STXBP4: variants seen among roughly 807,000 people sequenced by gnomAD.
STXBP4 encodes the protein syntaxin-binding protein 4.
Under a neutral mutation model 76.1 loss-of-function variants are expected in STXBP4, and 55 were observed. That is an observed-to-expected ratio of 0.72 (90% CI 0.58 to 0.91). The LOEUF (loss-of-function observed/expected upper bound fraction) is 0.91, where lower values mean the gene tolerates loss of function less well. Ranked by LOEUF, STXBP4 falls within the 40% of genes least tolerant of loss-of-function variation. The probability of loss-of-function intolerance (pLI) is 0.00; values close to 1 mark genes in which losing one functional copy is unlikely to be tolerated. For synonymous variants in STXBP4, 201 were observed against 220.2 expected, an observed-to-expected ratio of 0.91 and a Z score of 0.77; for missense variants, 618 against 636.9, an observed-to-expected ratio of 0.97 and a Z score of 0.32.
intron 10 of STXBP4, among the ~76,000 whole-genome samples, chr17:55,036,212 GTCTTA>G (rs1322057222): frequency 6.6e-6 from 1 of 151,846 alleles, no homozygotes; most frequent in African/African-American, 2.4e-5. Context: ...CTAATCTTCA[GTCTTA>G]TCTTGTCCAT....
chr17:55,154,601 G>C (rs186852454), intron 17 of STXBP4, among the ~76,000 whole-genome samples: 1 of 152,204 alleles, frequency 6.6e-6, no homozygotes, highest in Admixed American at 6.5e-5. Flanking sequence ...GCTGTACTCT[G>C]TCACTACAGA....
At chr17:55,079,935 C>T (rs1265175220) in intron 15 of STXBP4, among the ~76,000 whole-genome samples, 1 of 152,106 alleles carries the variant, frequency 6.6e-6, no homozygotes, top group Non-Finnish European at 1.5e-5. Context: ...AGGAACCTGA[C>T]ATAACTTCTT....
intron 17 of STXBP4, among the ~76,000 whole-genome samples, chr17:55,146,703 C>A (rs1441194874): frequency 6.7e-6 from 1 of 148,220 alleles, no homozygotes; most frequent in East Asian, 2.0e-4. Context: ...GGCCACAGAG[C>A]GAGACTCCGT....
chr17:55,137,591 T>C (rs2080046394), intron 16 of STXBP4, among the ~76,000 whole-genome samples: 1 of 152,098 alleles, frequency 6.6e-6, no homozygotes, highest in Admixed American at 6.6e-5. Flanking sequence ...CTCTTTCCCC[T>C]GCTAGCTGTG....
chr17:55,079,102 AG>A lies in STXBP4; in HGVS notation c.1355+369del, dbSNP rs536113831. 3.2e-4 allele frequency among the ~76,000 whole-genome samples: 48 copies of A among 152,336 alleles called. 1 individual carries two copies. The South Asian group carries it at 9.7e-3, about 31-fold the overall frequency. ...ACTACTAAAAGTGTCTCAACCCAGC[AG>A]GTTAGTTGTTCTGGCAAACAGAATT... On this transcript the variant is annotated intron_variant, in intron 15 of 17. Transcript: ENST00000376352.
chr17:55,186,634 G>C, the STXBP4 span, among the ~76,000 whole-genome samples: 9 of 152,230 alleles, frequency 5.9e-5, no homozygotes, highest in Admixed American at 1.3e-4. Context: ...TTGGCTTAGA[G>C]AAGAGGTAAT....
intron 12 of STXBP4, among the ~76,000 whole-genome samples, chr17:55,061,357 T>A (rs549439972): frequency 2.0e-5 from 3 of 152,216 alleles, no homozygotes; most frequent in Non-Finnish European, 4.4e-5. Flanking sequence ...ATTTTCAGAA[T>A]TGATGTGATT....
Position 55,043,260 on chromosome 17 carries a change from G to T in STXBP4, c.880G>T (p.Ala294Ser). The change falls in exon 11 of 18, where the codon GCA becomes TCA. Residue 294 changes from alanine to serine, a missense_variant. Ala to Ser is a moderately conservative substitution (Grantham distance 99). Transcript: ENST00000376352. ...GCTTCTTCCTTGTGATTCTTCAGAAGCAGATGAAATGGAAAGGCTCAAGTG... is the reference window on the plus strand; with the variant it reads ...GCTTCTTCCTTGTGATTCTTCAGAATCAGATGAAATGGAAAGGCTCAAGTG... Reference protein sequence around the residue: ...SQLLPCDSSEADEMERLKCER... With the variant: ...SQLLPCDSSESDEMERLKCER... 6.6e-7 allele frequency: 1 copy of T among 1,526,532 alleles called. No individual in the cohort carries two copies. Among genetic ancestry groups the T allele is most frequent in the Non-Finnish European group, 8.8e-7 (1 of 1,138,492 alleles). The allele number at this position is 1,526,532 out of a possible 1,614,324, so 94.6% of individuals were successfully genotyped here. A position where few individuals can be genotyped will look rare whatever the true frequency, so the allele number is the denominator to read the frequency against.
intron 17 of STXBP4, among the ~76,000 whole-genome samples, chr17:55,156,379 C>G (rs569728256): frequency 6.6e-6 from 1 of 152,254 alleles, no homozygotes; most frequent in East Asian, 1.9e-4. Context: ...CCGATTATGT[C>G]AAAGCTCTTT....
intron 1 of STXBP4, among the ~76,000 whole-genome samples, chr17:54,976,080 T>C (rs942915700): frequency 2.6e-5 from 4 of 152,168 alleles, no homozygotes; most frequent in African/African-American, 7.2e-5. Flanking sequence ...CACCATAATA[T>C]CACATGCCCT....
At chr17:55,157,850 G>A (rs1014808922) in intron 17 of STXBP4, among the ~76,000 whole-genome samples, 4 of 152,120 alleles carry the variant, frequency 2.6e-5, no homozygotes, top group Non-Finnish European at 5.9e-5. Flanking sequence ...TAAAGTGAAT[G>A]CATTTTTGTG....
the STXBP4 span, among the ~76,000 whole-genome samples, chr17:55,211,396 A>C: frequency 1.3e-5 from 2 of 152,112 alleles, no homozygotes; most frequent in East Asian, 3.9e-4. Flanking sequence ...AACTGCATGA[A>C]ATTTATCTCC....
intron 17 of STXBP4, among the ~76,000 whole-genome samples, chr17:55,151,050 A>G (rs966270078): frequency 1.8e-4 from 27 of 152,360 alleles, no homozygotes; most frequent in African/African-American, 6.5e-4. Flanking sequence ...TGGGAGCCAT[A>G]AGCCAAGGAA....
intron 10 of STXBP4, among the ~76,000 whole-genome samples, chr17:55,035,410 A>C (rs1386646472): frequency 2.0e-5 from 3 of 151,814 alleles, no homozygotes; most frequent in Admixed American, 1.3e-4. Context: ...TATGCTCAAA[A>C]TTTTATCTTT....
chr17:55,204,686 ACT>A, the STXBP4 span, among the ~76,000 whole-genome samples: 2 of 151,570 alleles, frequency 1.3e-5, no homozygotes, highest in Non-Finnish European at 3.0e-5. Context: ...AAAAAAGAAA[ACT>A]CTAATTAGTT....
intron 11 of STXBP4, among the ~76,000 whole-genome samples, chr17:55,046,080 C>T (rs963242760): frequency 3.3e-5 from 5 of 152,040 alleles, no homozygotes; most frequent in Non-Finnish European, 7.4e-5. Context: ...TTTAAAAGTG[C>T]TGTGGGCTTT....
chr17:55,106,011 T>G (rs931624275), intron 16 of STXBP4, among the ~76,000 whole-genome samples: 3 of 152,154 alleles, frequency 2.0e-5, no homozygotes, highest in African/African-American at 7.2e-5. Context: ...CTGAATATCC[T>G]TCTGAATTTT....
At chr17:55,055,001 A>C (rs1460396594) in intron 12 of STXBP4, among the ~76,000 whole-genome samples, 1 of 152,072 alleles carries the variant, frequency 6.6e-6, no homozygotes, top group Non-Finnish European at 1.5e-5. Context: ...GCTAACTTTA[A>C]GTTATTTGTT....
At chr17:55,100,204 G>T (rs960571988) in intron 16 of STXBP4, among the ~76,000 whole-genome samples, 1 of 152,038 alleles carries the variant, frequency 6.6e-6, no homozygotes, top group Admixed American at 6.6e-5. Flanking sequence ...TACTAAAGAG[G>T]GTGTGATTGT....
Sources: allele counts gnomAD v4.1 joint callset (sites outside exome capture counted in the v4.1 genomes callset), GRCh38; gene constraint gnomAD v4.1.1; transcripts MANE v1.5; gene names NCBI Gene and HGNC (gene_info 2026-07-23, HGNC 2026-07-21).